The following MGAT4C variants were observed in gnomAD, a reference collection of about 807,000 sequenced individuals.
MGAT4C encodes the protein MGAT4 family member C.
In MGAT4C, 19 loss-of-function variants were observed where a neutral mutation model predicts 40.1. The ratio of observed to expected loss-of-function variants is 0.47; its 90% CI spans 0.33 to 0.70. The LOEUF (loss-of-function observed/expected upper bound fraction) is 0.70. Among genes scored for constraint, MGAT4C ranks in the 30% least tolerant of loss-of-function variants. MGAT4C has a pLI of 0.02. For missense variants in MGAT4C, 491 were observed against 563.2 expected, an observed-to-expected ratio of 0.87 and a Z score of 1.30; for synonymous variants, 181 against 187.1, an observed-to-expected ratio of 0.97 and a Z score of 0.27.
chr12:86,650,587 C>T (rs1963667220), intron 2 of MGAT4C, among the ~76,000 whole-genome samples: 1 of 151,832 alleles, frequency 6.6e-6, no homozygotes, highest in African/African-American at 2.4e-5. Context: ...TTTAATTTGA[C>T]TTATGATTCT....
At chr12:86,446,058 T>C (rs919286143) in intron 2 of MGAT4C, among the ~76,000 whole-genome samples, 8 of 152,164 alleles carry the variant, frequency 5.3e-5, no homozygotes, top group Non-Finnish European at 1.2e-4. Context: ...TAAAACTTTA[T>C]ATGTATGTGT....
intron 2 of MGAT4C, among the ~76,000 whole-genome samples, chr12:86,486,798 C>T (rs1298362712): frequency 4.6e-5 from 7 of 152,166 alleles, no homozygotes; most frequent in Non-Finnish European, 1.0e-4. Flanking sequence ...GCCCACAAAA[C>T]ATTCTTATTT....
intron 1 of MGAT4C, among the ~76,000 whole-genome samples, chr12:86,115,436 C>T (rs1019437270): frequency 3.3e-5 from 5 of 151,760 alleles, no homozygotes; most frequent in Non-Finnish European, 5.9e-5. Context: ...ACCTTATATT[C>T]AGATATTTTA....
At position 86,704,915 on chromosome 12, in the gene MGAT4C, G is replaced by A. The variant is rs898993372; in HGVS notation, c.-229+22294C>T. ...TTGTTCTTCATTAACATTAGCAGCA[G>A]CTTGTTTTAGTTAACTTTCCATATT... On this transcript the variant is annotated intron_variant, in intron 2 of 7. Coordinates refer to the MGAT4C transcript ENST00000548651. 2.9e-4 allele frequency among the ~76,000 whole-genome samples: 44 copies of A among 151,992 alleles called. 1 individual carries two copies. Among genetic ancestry groups the A allele is most frequent in the African/African-American group, 9.9e-4 (41 of 41,390 alleles).
chr12:86,745,214 G>T (rs537299001), intron 1 of MGAT4C: 212 of 151,574 alleles, frequency 1.4e-3, no homozygotes, highest in African/African-American at 4.9e-3. Context: ...TCTACTGAAA[G>T]ACATTTCATC....
chr12:86,483,264 T>C (rs1679503280), intron 2 of MGAT4C, among the ~76,000 whole-genome samples: 1 of 152,072 alleles, frequency 6.6e-6, no homozygotes, highest in African/African-American at 2.4e-5. Context: ...ACATTGTACA[T>C]TAGGTGTCAA....
At chr12:86,469,225 C>A (rs1340911467) in intron 2 of MGAT4C, among the ~76,000 whole-genome samples, 1 of 152,066 alleles carries the variant, frequency 6.6e-6, no homozygotes, top group South Asian at 2.1e-4. Context: ...TAGAGGGTTT[C>A]AATGATCCCT....
chr12:86,491,062 C>T (rs1043669990), intron 2 of MGAT4C, among the ~76,000 whole-genome samples: 5 of 152,036 alleles, frequency 3.3e-5, no homozygotes, highest in African/African-American at 1.2e-4. Context: ...ACCAAGCGGA[C>T]CTCATAGGCA....
chr12:86,423,359 T>C (rs1956866134), intron 3 of MGAT4C, among the ~76,000 whole-genome samples: 1 of 151,688 alleles, frequency 6.6e-6, no homozygotes, highest in Non-Finnish European at 1.5e-5. Flanking sequence ...AGTTTTAATA[T>C]TATGTTAGCA....
intron 4 of MGAT4C, among the ~76,000 whole-genome samples, chr12:86,268,868 A>G (rs1952861204): frequency 6.9e-6 from 1 of 145,980 alleles, no homozygotes. Flanking sequence ...ATGCATATAC[A>G]TTTAAAATAA....
intron 2 of MGAT4C, among the ~76,000 whole-genome samples, chr12:86,515,738 C>CTTTTTTT (rs940550644): frequency 7.5e-5 from 10 of 133,450 alleles, no homozygotes; most frequent in African/African-American, 2.5e-4. Context: ...TAAAGCAATT[C>CTTTTTTT]TTTTTTTTTT....
chr12:86,074,335 C>CATAT (rs1869226029), intron 1 of MGAT4C, among the ~76,000 whole-genome samples: 1 of 106,674 alleles, frequency 9.4e-6, no homozygotes, highest in African/African-American at 3.6e-5. Context: ...ACTTAATAAA[C>CATAT]ATATAGATAG....
chr12:86,413,194 T>G (rs982293149), intron 3 of MGAT4C, among the ~76,000 whole-genome samples: 2 of 152,016 alleles, frequency 1.3e-5, no homozygotes, highest in African/African-American at 4.8e-5. Flanking sequence ...GGAGGGAAAA[T>G]GGACCAGCTG....
At chr12:86,391,775 G>C (rs571104183) in intron 3 of MGAT4C, among the ~76,000 whole-genome samples, 1 of 152,184 alleles carries the variant, frequency 6.6e-6, no homozygotes, top group East Asian at 1.9e-4. Flanking sequence ...CAGGAGAATG[G>C]TGTGAACCCG....
At chr12:86,330,142 T>A (rs191475803) in intron 4 of MGAT4C, among the ~76,000 whole-genome samples, 203 of 152,248 alleles carry the variant, frequency 1.3e-3, no homozygotes, top group African/African-American at 4.8e-3. Context: ...TCCTGTCCCC[T>A]CTTTTGAGGA....
chr12:86,120,559 G>C (rs1566012025), intron 1 of MGAT4C, among the ~76,000 whole-genome samples: 1 of 152,206 alleles, frequency 6.6e-6, no homozygotes, highest in Non-Finnish European at 1.5e-5. Context: ...GGAAGAATCA[G>C]GCAGCAACAT....
At chr12:85,989,824 A>G (rs1241165494) in intron 2 of MGAT4C, among the ~76,000 whole-genome samples, 1 of 152,120 alleles carries the variant, frequency 6.6e-6, no homozygotes, top group Non-Finnish European at 1.5e-5. Flanking sequence ...TGGTCATAAT[A>G]ATGTAAATAA....
At chr12:86,457,943 T>C (rs567950367) in intron 2 of MGAT4C, among the ~76,000 whole-genome samples, 2 of 152,172 alleles carry the variant, frequency 1.3e-5, no homozygotes, top group African/African-American at 2.4e-5. Flanking sequence ...TAAAATACTT[T>C]TAAAGACAAT....
At chr12:86,633,724 G>A (rs185768366) in intron 2 of MGAT4C, among the ~76,000 whole-genome samples, 53 of 152,032 alleles carry the variant, frequency 3.5e-4, no homozygotes, top group African/African-American at 1.3e-3. Flanking sequence ...TTGCACTTAC[G>A]GTAAAATGTT....
Sources: gnomAD v4.1 joint callset for allele counts (sites outside exome capture counted in the v4.1 genomes callset) on GRCh38, gnomAD v4.1.1 for gene constraint, MANE v1.5 for transcripts, NCBI Gene and HGNC (gene_info 2026-07-23, HGNC 2026-07-21) for gene names.